Variants in PTPN22 observed in about 807,000 individuals in gnomAD.
PTPN22 encodes the protein protein tyrosine phosphatase non-receptor type 22, also known as tyrosine-protein phosphatase non-receptor type 22.
In PTPN22, 85 loss-of-function variants were observed where a neutral mutation model predicts 103.3. The observed-to-expected ratio is 0.82, with a 90% confidence interval of 0.69 to 0.99. PTPN22 has a LOEUF of 0.99. PTPN22 is among the 50% of genes least tolerant of loss of function. PTPN22 has a pLI of 0.00. For missense variants in PTPN22, 865 were observed against 936.9 expected (o/e 0.92, Z 1.00); for synonymous variants, 323 against 310.2 (o/e 1.04, Z -0.43).
intron 9 of PTPN22, among the ~76,000 whole-genome samples, chr1:113,853,247 T>C (rs1664721590): frequency 6.6e-6 from 1 of 152,112 alleles, no homozygotes; most frequent in Admixed American, 6.5e-5. Context: ...CAAGTTTGCT[T>C]GGTTTTGATT....
intron 13 of PTPN22, among the ~76,000 whole-genome samples, chr1:113,835,634 A>G (rs1662937663): frequency 6.6e-6 from 1 of 152,218 alleles, no homozygotes; most frequent in Non-Finnish European, 1.5e-5. Context: ...TAACTTTTAC[A>G]TAACTCCTTT....
Position 113,843,099 on chromosome 1 carries a change from C to CAA in PTPN22, c.916-4481_916-4480dup, listed in dbSNP as rs71090738. On this transcript the variant is annotated intron_variant, in intron 11 of 20. Coordinates refer to ENST00000359785, the Ensembl canonical transcript of PTPN22. ...TGGGCGACAGAGCGAGACTCCGTCT[C>CAA]AAAAAAAAAAAAAAAGAAAACTAAA... is the stretch of plus-strand genomic sequence containing the variant. Among the ~76,000 whole-genome samples, 4 of 47,906 alleles carry CAA rather than the reference C, an allele frequency of 8.3e-5. 1 individual carries two copies. Among genetic ancestry groups the CAA allele is most frequent in the African/African-American group, 2.3e-4 (2 of 8,574 alleles). 31.4% of individuals were successfully genotyped at this position (47,906 alleles called of 152,430 possible).
At chr1:113,839,844 T>C (rs552984958) in intron 11 of PTPN22, among the ~76,000 whole-genome samples, 13 of 152,096 alleles carry the variant, frequency 8.5e-5, no homozygotes, top group South Asian at 4.2e-4. Flanking sequence ...CTATTCAACA[T>C]AGTACTAAAG....
At chr1:113,844,142 G>A (rs1663841951) in intron 11 of PTPN22, among the ~76,000 whole-genome samples, 2 of 151,960 alleles carry the variant, frequency 1.3e-5, no homozygotes, top group South Asian at 4.1e-4. Flanking sequence ...CATTGATCTT[G>A]TTAAAGAACG....
intron 19 of PTPN22, among the ~76,000 whole-genome samples, chr1:113,820,349 T>G (rs1001416085): frequency 2.6e-5 from 4 of 152,038 alleles, no homozygotes; most frequent in African/African-American, 9.7e-5. Flanking sequence ...TCCCAGCTAC[T>G]TGGGAGGCTG....
At chr1:113,814,073 T>TA (rs1457965339) in exon 21 of PTPN22, 25 of 152,308 alleles carry the variant, frequency 1.6e-4, no homozygotes, top group African/African-American at 6.0e-4. Context: ...TACATAAAAT[T>TA]AGAGTTGAAC....
chr1:113,832,140 G>T (rs1446470378), intron 16 of PTPN22, among the ~76,000 whole-genome samples: 3 of 152,068 alleles, frequency 2.0e-5, no homozygotes, highest in Non-Finnish European at 4.4e-5. Flanking sequence ...ATAGACCAGG[G>T]ATTTGACTTA....
chr1:113,864,071 A>G (rs1465803117), intron 1 of PTPN22: 2 of 324,012 alleles, frequency 6.2e-6, no homozygotes, highest in East Asian at 2.5e-4. Context: ...AGATCGCACC[A>G]TTGCACTCTG....
At chr1:113,864,200 T>C (rs1210105606) in intron 1 of PTPN22, 5 of 443,266 alleles carry the variant, frequency 1.1e-5, no homozygotes, top group Admixed American at 2.5e-5. Flanking sequence ...GAACTTACAA[T>C]AGAAGATTTG....
chr1:113,863,384 C>A (rs539327930), intron 1 of PTPN22, among the ~76,000 whole-genome samples: 76 of 152,322 alleles, frequency 5.0e-4, no homozygotes, highest in Non-Finnish European at 9.6e-4. Context: ...TGAGCCGCTG[C>A]GCTCAGCCAA....
At chr1:113,817,445 T>A (rs9429730) in intron 20 of PTPN22, among the ~76,000 whole-genome samples, 1 of 150,668 alleles carries the variant, frequency 6.6e-6, no homozygotes, top group South Asian at 2.1e-4. Flanking sequence ...GATTTTTGGG[T>A]TTTTTTTTCC....
chr1:113,834,401 C>A (rs1391760420), exon 15 of PTPN22: 2 of 1,613,408 alleles, frequency 1.2e-6, no homozygotes, highest in East Asian at 2.2e-5. Flanking sequence ...ACCTTCACAG[C>A]TGAGGATAAG....
intron 1 of PTPN22, among the ~76,000 whole-genome samples, chr1:113,865,793 T>A (rs1666071071): frequency 6.6e-6 from 1 of 152,174 alleles, no homozygotes; most frequent in Admixed American, 6.5e-5. Context: ...GAAATAACTG[T>A]TTAACAATGG....
intron 10 of PTPN22, among the ~76,000 whole-genome samples, chr1:113,851,194 C>T (rs372240604): frequency 2.1e-4 from 32 of 151,716 alleles, no homozygotes; most frequent in African/African-American, 7.7e-4. Flanking sequence ...ACTCTGTTAC[C>T]CAGGCTGGAG....
chr1:113,861,309 C>T (rs1665571633), intron 1 of PTPN22, among the ~76,000 whole-genome samples: 1 of 152,206 alleles, frequency 6.6e-6, no homozygotes, highest in South Asian at 2.1e-4. Flanking sequence ...GGCATGATCT[C>T]GGTTCACTGC....
chr1:113,827,841 G>T (rs1662222982), intron 18 of PTPN22, among the ~76,000 whole-genome samples: 1 of 152,224 alleles, frequency 6.6e-6, no homozygotes, highest in South Asian at 2.1e-4. Context: ...ATTGTAAAAA[G>T]AAGTTGTACC....
Position 113,816,380 on chromosome 1 carries a change from G to A in PTPN22, c.2360-1411C>T, listed in dbSNP as rs530378099. ...GGTCCCAGATACTCAGGAGGCTGAG[G>A]TGGGCAAATCATTTGAGCCCAGGGA... is the stretch of plus-strand genomic sequence containing the variant. On this transcript the variant is annotated intron_variant, in intron 20 of 20. Coordinates refer to ENST00000359785, the Ensembl canonical transcript of PTPN22. Among the ~76,000 whole-genome samples the A allele has an allele frequency of 5.9e-4, 89 of 151,502 alleles. 1 individual carries two copies. The highest frequency in any genetic ancestry group is 3.2e-3 in the Admixed American group (48 of 15,222).
chr1:113,825,995 G>A (rs1273521777), intron 18 of PTPN22, among the ~76,000 whole-genome samples: 4 of 152,028 alleles, frequency 2.6e-5, no homozygotes, highest in Admixed American at 1.3e-4. Context: ...TTACAGGCGT[G>A]AGCCACCGTG....
rs143703692 is a variant in PTPN22 at position 113,829,956 on chromosome 1, A to T, written c.2127T>A (p.Asp709Glu). The T allele has an allele frequency of 1.5e-4, 242 of 1,597,466 alleles. 2 individuals carry two copies. Among genetic ancestry groups the T allele is most frequent in the Middle Eastern group, 1.3e-3 (8 of 6,026 alleles). Residue 709 changes from aspartate to glutamate, a missense_variant, in exon 17 of 21, where the codon GAT (aspartate) becomes GAA (glutamate). By Grantham distance (45) the Asp-to-Glu change is conservative. This residue lies in a region of PTPN22 where 401 missense variants were observed against 388.6 expected (regional missense o/e 1.03). Coordinates refer to ENST00000359785, the Ensembl canonical transcript of PTPN22. ...GAAAGTGCTACCACTTACAATCTTC[A>T]TCGGCAAGAAAGAAGGACTCTAGAG...
Sources: gnomAD v4.1 joint callset for allele counts (sites outside exome capture counted in the v4.1 genomes callset) on GRCh38, gnomAD v4.1.1 for gene constraint, gnomAD v4.1.1 regional missense constraint, MANE v1.5 for transcripts, NCBI Gene and HGNC (gene_info 2026-07-23, HGNC 2026-07-21) for gene names.